CNKSR2: variants seen among roughly 807,000 people sequenced by gnomAD.
The protein encoded by CNKSR2 is connector enhancer of kinase suppressor of Ras 2.
In CNKSR2, 14 loss-of-function variants were observed where a neutral mutation model predicts 84.4. That is an observed-to-expected ratio of 0.17 (90% CI 0.11 to 0.26). CNKSR2 has a LOEUF of 0.26. CNKSR2 is among the 10% of genes least tolerant of loss of function. The pLI is 1.00. For missense variants in CNKSR2, 485 were observed against 771.2 expected, an observed-to-expected ratio of 0.63 and a Z score of 4.40; for synonymous variants, 275 against 277.9, an observed-to-expected ratio of 0.99 and a Z score of 0.10.
chrX:21,567,595 G>T (rs1363517120), intron 13 of CNKSR2, among the ~76,000 whole-genome samples: 1 of 111,798 alleles, frequency 8.9e-6, no homozygotes, highest in East Asian at 2.8e-4. Flanking sequence ...GCTAGTTCTT[G>T]CTTGCTTCCT....
At chrX:21,486,135 T>A (rs2091382468) in intron 5 of CNKSR2, among the ~76,000 whole-genome samples, 1 of 111,394 alleles carries the variant, frequency 9.0e-6, no homozygotes, top group Non-Finnish European at 1.9e-5. Context: ...AAAATAAAAT[T>A]AAAATAAAAT....
At chrX:21,591,872 A>T (rs1192403381) in intron 15 of CNKSR2, 1 of 111,590 alleles carries the variant, frequency 9.0e-6, no homozygotes, top group Non-Finnish European at 1.9e-5. Flanking sequence ...ATTTGCTTTT[A>T]TTCCTTTGCT....
chrX:21,548,188 A>G (rs1272150638), intron 11 of CNKSR2, among the ~76,000 whole-genome samples: 1 of 112,041 alleles, frequency 8.9e-6, no homozygotes, highest in Non-Finnish European at 1.9e-5. Flanking sequence ...ACTAATAAGG[A>G]AAAAATAAAG....
chrX:21,616,140 CCCACCA>C (rs2092575749), intron 20 of CNKSR2, among the ~76,000 whole-genome samples: 1 of 111,566 alleles, frequency 9.0e-6, no homozygotes, highest in Non-Finnish European at 1.9e-5. Flanking sequence ...GACCCAGATG[CCCACCA>C]CCACCATTCA....
At chrX:21,437,741 T>G (rs545683092) in intron 3 of CNKSR2, among the ~76,000 whole-genome samples, 1 of 110,579 alleles carries the variant, frequency 9.0e-6, no homozygotes, top group Admixed American at 9.7e-5. Flanking sequence ...TTAAAAATAT[T>G]TTTATTGAGG....
chrX:21,578,489 C>CT (rs1316614844), intron 13 of CNKSR2, among the ~76,000 whole-genome samples: 3 of 108,187 alleles, frequency 2.8e-5, no homozygotes, highest in Non-Finnish European at 5.7e-5. Context: ...CTATAAAAAG[C>CT]TAGGCACATT....
At chrX:21,511,504 G>A (rs1410409848) in intron 8 of CNKSR2, among the ~76,000 whole-genome samples, 1 of 110,220 alleles carries the variant, frequency 9.1e-6, no homozygotes, top group Non-Finnish European at 1.9e-5. Context: ...AGTATGCCGT[G>A]AGATTCACAT....
chrX:21,583,502 C>T (rs1260506095), intron 13 of CNKSR2, among the ~76,000 whole-genome samples: 1 of 111,588 alleles, frequency 9.0e-6, no homozygotes, highest in Non-Finnish European at 1.9e-5. Context: ...AAGCAGCTAT[C>T]ATCTAAAGTG....
At chrX:21,397,635 G>T (rs2090137143) in intron 1 of CNKSR2, among the ~76,000 whole-genome samples, 1 of 111,012 alleles carries the variant, frequency 9.0e-6, no homozygotes. Context: ...TTGGTTAATG[G>T]ATACAAAATT....
intron 8 of CNKSR2, chrX:21,506,951 T>G (rs1302159308): frequency 1.8e-5 from 2 of 109,364 alleles, no homozygotes; most frequent in African/African-American, 6.7e-5. Context: ...TATGGCTCAT[T>G]TGCAAATCAG....
At chrX:21,589,508 C>T (rs950960828) in intron 13 of CNKSR2, among the ~76,000 whole-genome samples, 3 of 112,151 alleles carry the variant, frequency 2.7e-5, no homozygotes, top group Non-Finnish European at 5.6e-5. Context: ...ATTAAAAGCA[C>T]ACATGCTATC....
intron 13 of CNKSR2, among the ~76,000 whole-genome samples, chrX:21,569,762 C>T (rs1226798703): frequency 8.9e-6 from 1 of 112,051 alleles, no homozygotes; most frequent in East Asian, 2.8e-4. Context: ...TGAAATTACT[C>T]CTTGATCCAT....
In CNKSR2 at chrX:21,617,116, T is replaced by G. The variant is rs376574546; in HGVS notation, c.2692+7499T>G. Among the ~76,000 whole-genome samples the G allele has an allele frequency of 8.1e-5, 9 of 111,665 alleles. No homozygotes were observed. The East Asian group carries it at 2.3e-3, about 28-fold the overall frequency. ...AGTTATGATTTATGTTATGTTATTTTTTTTTACTGAGAGAGATTATTAGAT... is the reference window on the plus strand; with the variant it reads ...AGTTATGATTTATGTTATGTTATTTGTTTTTACTGAGAGAGATTATTAGAT... On this transcript the variant is annotated intron_variant, in intron 20 of 21. Coordinates refer to ENST00000379510, the MANE Select transcript of CNKSR2 (RefSeq NM_014927.5).
chrX:21,605,262 A>G (rs754391165), intron 18 of CNKSR2, among the ~76,000 whole-genome samples: 4 of 112,001 alleles, frequency 3.6e-5, no homozygotes, highest in African/African-American at 1.3e-4. Flanking sequence ...AACTGTGCCA[A>G]TTCATATTTG....
chrX:21,481,672 T>C (rs199805558), intron 5 of CNKSR2, among the ~76,000 whole-genome samples: 2 of 111,908 alleles, frequency 1.8e-5, no homozygotes, highest in East Asian at 5.6e-4. Context: ...GGGCCTGACC[T>C]TATCATGTGA....
At chrX:21,456,612 A>G (rs1198548937) in intron 4 of CNKSR2, among the ~76,000 whole-genome samples, 2 of 111,707 alleles carry the variant, frequency 1.8e-5, no homozygotes, top group African/African-American at 3.2e-5. Context: ...TTCTGTATCC[A>G]TTCATCTTAT....
At position 21,643,879 on chromosome X, in the gene CNKSR2, A is replaced by C. The variant is rs1166459078; in HGVS notation, c.2693-4952A>C. The C allele has an allele frequency of 2.7e-5, 3 of 111,502 alleles. No individual in the cohort carries two copies. In the East Asian group the frequency reaches 8.4e-4, roughly 31 times the overall value. 9.2% of individuals were successfully genotyped at this position (111,502 alleles called of 1,213,427 possible). A position where few individuals can be genotyped will look rare whatever the true frequency, so the allele number is the denominator to read the frequency against. On this transcript the variant is annotated intron_variant, in intron 20 of 21. Transcript: ENST00000379510. ...GCTGATTGACTTACATAAAAGCATG[A>C]ATTAAGAGAGCTAGTATTTAATTAC...
chrX:21,620,855 C>A (rs1204837434), intron 20 of CNKSR2, among the ~76,000 whole-genome samples: 1 of 110,924 alleles, frequency 9.0e-6, no homozygotes, highest in Non-Finnish European at 1.9e-5. Flanking sequence ...TTATAACTTA[C>A]GAGTTTAGTG....
chrX:21,436,402 A>G (rs1006067783), intron 3 of CNKSR2, among the ~76,000 whole-genome samples: 1 of 111,881 alleles, frequency 8.9e-6, no homozygotes, highest in African/African-American at 3.2e-5. Context: ...GATATAATGT[A>G]CAAAGAATAA....
Sources: allele counts gnomAD v4.1 joint callset (sites outside exome capture counted in the v4.1 genomes callset), GRCh38; gene constraint gnomAD v4.1.1; transcripts MANE v1.5; gene names NCBI Gene and HGNC (gene_info 2026-07-23, HGNC 2026-07-21).